ADAMTS13: variants seen among roughly 807,000 people sequenced by gnomAD.
ADAMTS13 encodes the protein ADAM metallopeptidase with thrombospondin type 1 motif 13.
Under a neutral mutation model 155.1 loss-of-function variants are expected in ADAMTS13, and 110 were observed. That is an observed-to-expected ratio of 0.71 (90% CI 0.61 to 0.83). The LOEUF is 0.83. Among genes scored for constraint, ADAMTS13 ranks in the 40% least tolerant of loss-of-function variants. The pLI is 0.00. For synonymous variants in ADAMTS13, 758 were observed against 756.4 expected (o/e 1.00, Z -0.03); for missense variants, 1,707 against 1,891.7 (o/e 0.90, Z 1.81).
Position 133,445,682 on chromosome 9 carries a change from G to A in ADAMTS13, c.2611-17G>A. ...AGAGGAGGCCCAGACCCACCAGCTT[G>A]TTGCTATTCCCCACAGCTGGATGCC... On this transcript the variant is annotated splice_polypyrimidine_tract_variant and intron_variant, in intron 20 of 28. Coordinates refer to ENST00000355699, the MANE Select transcript of ADAMTS13 (RefSeq NM_139027.6). This position sits in a 1 kb window ranked among gnomAD's most constrained non-coding sequence, Gnocchi z 5.0. 1 of 1,612,804 alleles carries A rather than the reference G, an allele frequency of 6.2e-7. No homozygotes were observed. The highest frequency in any genetic ancestry group is 8.5e-7 in the Non-Finnish European group (1 of 1,179,848).
rs899387092 is a variant in ADAMTS13, at chr9:133,429,225, C to T, written c.824+454C>T. 5.2e-5 allele frequency among the ~76,000 whole-genome samples: 6 copies of T among 114,408 alleles called. 1 individual carries two copies. The highest frequency in any genetic ancestry group is 2.9e-4 in the East Asian group (1 of 3,428). The allele number at this position is 114,408 out of a possible 152,430, so 75.1% of individuals were successfully genotyped here. On this transcript the variant is annotated intron_variant, in intron 7 of 28. Transcript: ENST00000355699. ...CCCTGCACCTCCCCCCGTGCTGTCCCACTCTGCGGCCACCCTTCTGTCCAA... is the reference window on the plus strand; with the variant it reads ...CCCTGCACCTCCCCCCGTGCTGTCCTACTCTGCGGCCACCCTTCTGTCCAA...
intron 19 of ADAMTS13, among the ~76,000 whole-genome samples, chr9:133,444,353 C>CT (rs782238892): frequency 0.016 from 2,375 of 146,006 alleles, 19 homozygotes; most frequent in Non-Finnish European, 0.023. Context: ...GATGGGTTCT[C>CT]TTTTTTTTTT....
intron 8 of ADAMTS13, among the ~76,000 whole-genome samples, chr9:133,432,126 G>T (rs990543719): frequency 2.0e-5 from 3 of 152,140 alleles, no homozygotes; most frequent in African/African-American, 7.2e-5. Flanking sequence ...TTAGCCGGGC[G>T]TGGTGGCGCA....
chr9:133,417,546 C>G, upstream of ADAMTS13: 1 of 1,502,054 alleles, frequency 6.7e-7, no homozygotes, highest in Non-Finnish European at 9.2e-7. Flanking sequence ...TTGGGGCTAC[C>G]CAAGTCTTTC....
Position 133,428,719 on chromosome 9 carries a change from G to T in ADAMTS13, c.772G>T (p.Ala258Ser). 1 of 1,349,996 alleles carries T rather than the reference G, an allele frequency of 7.4e-7. No homozygotes were observed. The highest frequency in any genetic ancestry group is 9.5e-7 in the Non-Finnish European group (1 of 1,049,250). 83.6% of individuals were successfully genotyped at this position (1,349,996 alleles called of 1,614,324 possible). The change falls in exon 7 of 29, where the codon GCC becomes TCC. Residue 258 changes from alanine (A) to serine (S), a missense_variant. Physicochemically the swap from Ala to Ser is moderately conservative, Grantham distance 99. Transcript: ENST00000355699. ...GGCTTCGGACGGCGCCGCGCCCCGC[G>T]CCGGCCTCGCCTGGTCCCCCTGCAG... The part of the protein sequence containing the change: ...VMASDGAAPR[A>S]GLAWSPCSRR...
chr9:133,456,044 T>G lies in ADAMTS13; in HGVS notation c.3401-25T>G, dbSNP rs2130946131. 1 of 1,613,088 alleles carries G rather than the reference T, an allele frequency of 6.2e-7. No individual in the cohort carries two copies. Among genetic ancestry groups the G allele is most frequent in the African/African-American group, 1.3e-5 (1 of 75,048 alleles). On this transcript the variant is annotated intron_variant, in intron 25 of 28. Transcript: ENST00000355699. The surrounding 1 kb of genome is among the most constrained non-coding windows in gnomAD (Gnocchi z 4.4). ...TGCTGGGAATCGGGGAAGCACTGCT[T>G]ACCTGTCTCCTGCTCCCTTTTCAGG...
Position 133,430,034 on chromosome 9 carries a change from C to T in ADAMTS13, c.920C>T (p.Ala307Val). 1 of 1,594,942 alleles carries T rather than the reference C, an allele frequency of 6.3e-7. No homozygotes were observed. The highest frequency in any genetic ancestry group is 8.5e-7 in the Non-Finnish European group (1 of 1,175,944). Residue 307 changes from alanine to valine, a missense_variant, in exon 8 of 29, where the codon GCC (alanine) becomes GTC (valine). Around this residue, in one of 3 missense-constraint regions of ADAMTS13, gnomAD observed 733 missense variants for 749.6 expected, o/e 0.98. Coordinates refer to ENST00000355699, the MANE Select transcript of ADAMTS13 (RefSeq NM_139027.6). The stretch of plus-strand genomic sequence containing the variant: ...GCGCAGCCTGGCCTCTACTACAGCG[C>T]CAACGAGCAGTGCCGCGTGGCCTTC... ...PDAQPGLYYS[A>V]NEQCRVAFGP... is the part of the protein sequence containing the mutation.
rs782375716 is a variant in ADAMTS13 at position 133,425,887 on chromosome 9, A to G, written c.415-51A>G. 6.2e-7 allele frequency: 1 copy of G among 1,610,512 alleles called. No individual in the cohort carries two copies. The highest frequency in any genetic ancestry group is 1.1e-5 in the South Asian group (1 of 90,842). On this transcript the variant is annotated intron_variant, in intron 4 of 28. Coordinates refer to ENST00000355699, the MANE Select transcript of ADAMTS13 (RefSeq NM_139027.6). This position sits in a 1 kb window ranked among gnomAD's most constrained non-coding sequence, Gnocchi z 4.6. ...GGGAAACAAACCGACCGCAGTCAGC[A>G]CCGTGCCTGGTTGGGGTGTCCTAAA...
At position 133,423,206 on chromosome 9, in the gene ADAMTS13, T is replaced by C. The variant is rs782582226; in HGVS notation, c.172+39T>C. The C allele has an allele frequency of 1.9e-6, 3 of 1,590,148 alleles. No individual in the cohort carries two copies. In the East Asian group the frequency reaches 6.7e-5, roughly 36 times the overall value. On this transcript the variant is annotated intron_variant, in intron 2 of 28. Transcript: ENST00000355699. Reference sequence around the variant, plus strand: ...TGTCTTCTCTCCCGGGGGGAGTTTCTCAGGACTTTCAAGGGGTATCTCACC... The same window carrying C: ...TGTCTTCTCTCCCGGGGGGAGTTTCCCAGGACTTTCAAGGGGTATCTCACC...
chr9:133,442,257 T>C (rs1331895540), intron 16 of ADAMTS13, 142 bp from the exon 17 acceptor site: 61 of 1,323,266 alleles, frequency 4.6e-5, no homozygotes, highest in Non-Finnish European at 6.5e-5. Flanking sequence ...AGGCATGAGC[T>C]ACCGTGCCTG....
intron 21 of ADAMTS13, among the ~76,000 whole-genome samples, chr9:133,448,266 C>T (rs1428173155): frequency 6.6e-6 from 1 of 152,234 alleles, no homozygotes; most frequent in Non-Finnish European, 1.5e-5. Context: ...GCGTGAGCCA[C>T]TGTGCCTGGC....
chr9:133,422,699 T>C (rs997553896), intron 1 of ADAMTS13, 151 bp downstream of exon 1: 2 of 747,414 alleles, frequency 2.7e-6, no homozygotes, highest in South Asian at 3.3e-5. Context: ...CTTTGGGGGA[T>C]GAAGTGTGCT....
chr9:133,459,143 A>G lies in ADAMTS13; in HGVS notation c.4079A>G (p.Gln1360Arg), dbSNP rs1554797174. ...WTLQSWVPEMQDPQSWKGKEG... is the reference protein window; with the variant it reads ...WTLQSWVPEMRDPQSWKGKEG... ...CTCCAATCATGGGTACCGGAGATGC[A>G]GGACCCTCAGTCCTGGAAGGGAAAG... The change falls in exon 29 of 29, where the codon CAG becomes CGG. Residue 1360 changes from glutamine to arginine, a missense_variant. Gln to Arg is a conservative substitution (Grantham distance 43, BLOSUM62 1). Coordinates refer to ENST00000355699, the MANE Select transcript of ADAMTS13 (RefSeq NM_139027.6). 1 of 1,612,610 alleles carries G rather than the reference A, an allele frequency of 6.2e-7. No homozygotes were observed. Among genetic ancestry groups the G allele is most frequent in the Admixed American group, 1.7e-5 (1 of 59,954 alleles).
At chr9:133,458,884 C>G in intron 28 of ADAMTS13, 90 bp from the exon 29 acceptor site, 1 of 1,190,086 alleles carries the variant, frequency 8.4e-7, no homozygotes, top group South Asian at 1.3e-5. Context: ...AAATGTGATC[C>G]GGAATCTGTG....
Position 133,456,149 on chromosome 9 carries a change from A to G in ADAMTS13, c.3481A>G (p.Ile1161Val). 6.2e-7 allele frequency: 1 copy of G among 1,613,508 alleles called. No homozygotes were observed. Among genetic ancestry groups the G allele is most frequent in the Non-Finnish European group, 8.5e-7 (1 of 1,180,032 alleles). The change falls in exon 26 of 29, where the codon ATT becomes GTT. Residue 1161 changes from isoleucine to valine, a missense_variant. This residue lies in a region of ADAMTS13 where 961 missense variants were observed against 1,107.9 expected (regional missense o/e 0.87). Coordinates refer to ENST00000355699, the MANE Select transcript of ADAMTS13 (RefSeq NM_139027.6). The surrounding 1 kb of genome is among the most constrained non-coding windows in gnomAD (Gnocchi z 4.4). ...AGGGCAGGCAGACTGTGCAGTGGCCATTGGGCGGCCCCTCGGGGAGGTGGT... is the reference window on the plus strand; with the variant it reads ...AGGGCAGGCAGACTGTGCAGTGGCCGTTGGGCGGCCCCTCGGGGAGGTGGT... Reference protein sequence around the residue: ...GPGQADCAVAIGRPLGEVVTL... With the variant: ...GPGQADCAVAVGRPLGEVVTL...
chr9:133,433,877 C>T (rs1280088466), intron 11 of ADAMTS13, among the ~76,000 whole-genome samples, 173 bp downstream of exon 11: 4 of 152,068 alleles, frequency 2.6e-5, no homozygotes, highest in African/African-American at 9.7e-5. Flanking sequence ...AGGTGGATCA[C>T]CTGAGGTCAG....
intron 1 of ADAMTS13, among the ~76,000 whole-genome samples, chr9:133,422,757 A>G (rs1554783847): frequency 6.6e-6 from 1 of 151,886 alleles, no homozygotes; most frequent in Admixed American, 6.6e-5. Context: ...CATTCGGTGA[A>G]GCTGAACAGA....
chr9:133,430,241 A>G, intron 8 of ADAMTS13, 140 bp downstream of exon 8: 1 of 1,081,814 alleles, frequency 9.2e-7, no homozygotes, highest in Non-Finnish European at 1.4e-6. Context: ...GCTTAGTTTA[A>G]TGCTGTCTGT....
chr9:133,418,671 C>T (rs904876215), upstream of ADAMTS13, among the ~76,000 whole-genome samples: 53 of 152,128 alleles, frequency 3.5e-4, no homozygotes, highest in Non-Finnish European at 6.3e-4. Flanking sequence ...GGGTACGTGA[C>T]TGGGGGCTGC....
Sources: gnomAD v4.1 joint callset for allele counts (sites outside exome capture counted in the v4.1 genomes callset) on GRCh38, gnomAD v4.1.1 for gene constraint, gnomAD v4.1.1 regional missense constraint, Gnocchi (gnomAD v3.1) non-coding constraint, MANE v1.5 for transcripts, NCBI Gene and HGNC (gene_info 2026-07-23, HGNC 2026-07-21) for gene names.